DGAT1: variants seen among roughly 807,000 people sequenced by gnomAD.
The protein encoded by DGAT1 is diacylglycerol O-acyltransferase 1.
A neutral mutation model predicts 72.6 loss-of-function variants in DGAT1; 60 were observed. The ratio of observed to expected loss-of-function variants is 0.83; its 90% CI spans 0.67 to 1.02. The LOEUF (loss-of-function observed/expected upper bound fraction) is 1.02. Ranked by LOEUF, DGAT1 falls within the 50% of genes least tolerant of loss-of-function variation. The pLI, the probability that DGAT1 is intolerant of heterozygous loss-of-function variation, is 0.00. For missense variants in DGAT1, 592 were observed against 670.0 expected, an observed-to-expected ratio of 0.88 and a Z score of 1.29; for synonymous variants, 290 against 267.5, an observed-to-expected ratio of 1.08 and a Z score of -0.82.
At chr8:144,323,245 A>G (rs572604073) in intron 1 of DGAT1, among the ~76,000 whole-genome samples, 2 of 152,292 alleles carry the variant, frequency 1.3e-5, no homozygotes, top group South Asian at 2.1e-4. Flanking sequence ...AGATGAAAAC[A>G]GGAGTCGGGA....
chr8:144,317,536 G>C lies in DGAT1; in HGVS notation c.981+8C>G. 1 of 1,613,772 alleles carries C rather than the reference G, an allele frequency of 6.2e-7. No individual in the cohort carries two copies. The highest frequency in any genetic ancestry group is 1.1e-5 in the South Asian group (1 of 91,086). ...TGTCCTGTGCATGCGCCACCTGTCC[G>C]CACTCACCGCCAGCTTCAGGAGGCG... On this transcript the variant is annotated splice_region_variant and intron_variant, in intron 12 of 16. Coordinates refer to ENST00000528718, the MANE Select transcript of DGAT1 (RefSeq NM_012079.6).
chr8:144,315,273 C>G lies in DGAT1; in HGVS notation c.*1281G>C, dbSNP rs1388095358. On this transcript the variant is annotated 3_prime_UTR_variant, in exon 17 of 17. Transcript: ENST00000528718. ...ACCCATCCCCCCACCAGGAGCTCACCCACTACTGCCATCCTCAGCAGGGCC... is the reference window on the plus strand; with the variant it reads ...ACCCATCCCCCCACCAGGAGCTCACGCACTACTGCCATCCTCAGCAGGGCC... 1 of 985,408 alleles carries G rather than the reference C, an allele frequency of 1.0e-6. No homozygotes were observed. The allele number at this position is 985,408 out of a possible 1,614,324, so 61.0% of individuals were successfully genotyped here.
chr8:144,321,190 C>G, intron 2 of DGAT1, 131 bp downstream of exon 2: 1 of 853,676 alleles, frequency 1.2e-6, no homozygotes, highest in South Asian at 1.4e-5. Context: ...GCAGCCTGCT[C>G]CACACACCCC....
At chr8:144,320,179 A>G (rs1817407206) in intron 2 of DGAT1, among the ~76,000 whole-genome samples, 1 of 152,238 alleles carries the variant, frequency 6.6e-6, no homozygotes, top group East Asian at 1.9e-4. Flanking sequence ...AGAGCGGGAT[A>G]CATGCCTGGG....
intron 1 of DGAT1, among the ~76,000 whole-genome samples, 187 bp from the exon 2 acceptor site, chr8:144,321,595 G>A (rs139270576): frequency 9.8e-4 from 150 of 152,322 alleles, no homozygotes; most frequent in African/African-American, 2.8e-3. Flanking sequence ...AAAGCTCTCC[G>A]GACCCCCAGA....
chr8:144,326,031 C>T (rs1263376977), intron 1 of DGAT1, among the ~76,000 whole-genome samples: 3 of 152,168 alleles, frequency 2.0e-5, no homozygotes, highest in Non-Finnish European at 4.4e-5. Context: ...TTCCTACCCG[C>T]AAGGCACCGC....
chr8:144,324,580 G>A (rs974298589), intron 1 of DGAT1, among the ~76,000 whole-genome samples: 2 of 152,106 alleles, frequency 1.3e-5, no homozygotes, highest in African/African-American at 4.8e-5. Context: ...CTCTTCCCAA[G>A]GAGACCCGAC....
chr8:144,315,004 G>A lies in DGAT1; in HGVS notation c.*1550C>T. The A allele has an allele frequency of 1.0e-6, 1 of 985,770 alleles. No individual in the cohort carries two copies. Among genetic ancestry groups the A allele is most frequent in the Non-Finnish European group, 1.2e-6 (1 of 830,208 alleles). 61.1% of individuals were successfully genotyped at this position (985,770 alleles called of 1,614,324 possible). A position where few individuals can be genotyped will look rare whatever the true frequency, so the allele number is the denominator to read the frequency against. Reference sequence around the variant, plus strand: ...AGGTGTTCGCACTCGGACAGGTGATGCGGGGCGGGCACACTGTCTTTCTGC... The same window carrying A: ...AGGTGTTCGCACTCGGACAGGTGATACGGGGCGGGCACACTGTCTTTCTGC... On this transcript the variant is annotated 3_prime_UTR_variant, in exon 17 of 17. Coordinates refer to ENST00000528718, the MANE Select transcript of DGAT1 (RefSeq NM_012079.6).
At chr8:144,321,528 C>T in intron 1 of DGAT1, 120 bp from the exon 2 acceptor site, 2 of 890,416 alleles carry the variant, frequency 2.2e-6, no homozygotes, top group Non-Finnish European at 3.6e-6. Context: ...TCCTTATTTA[C>T]AACCAGGAGG....
rs1647692148 is a variant in DGAT1, at chr8:144,316,002, G to C, written c.*552C>G. 2.1e-6 allele frequency: 2 copies of C among 935,674 alleles called. No individual in the cohort carries two copies. Among genetic ancestry groups the C allele is most frequent in the African/African-American group, 3.6e-5 (2 of 56,160 alleles). The allele number at this position is 935,674 out of a possible 1,614,324, so 58.0% of individuals were successfully genotyped here. Reference sequence around the variant, plus strand: ...CAAGCTGAAGCTGAGCACGGTGGGTGCAAGTTGACCATCCTGCACTGAGGG... The same window carrying C: ...CAAGCTGAAGCTGAGCACGGTGGGTCCAAGTTGACCATCCTGCACTGAGGG... On this transcript the variant is annotated 3_prime_UTR_variant, in exon 17 of 17. Transcript: ENST00000528718.
At position 144,326,620 on chromosome 8, in the gene DGAT1, C is replaced by G; in HGVS notation, c.17G>C (p.Ser6Thr). Reference protein sequence around the residue: MGDRGSSRRRRTGSRP... With the variant: MGDRGTSRRRRTGSRP... ...CGACCCTGTCCTCCGGCGCCGGGAG[C>G]TGCCGCGGTCGCCCATGGCCTCAGC... The change falls in exon 1 of 17, where the codon AGC becomes ACC. Residue 6 changes from serine to threonine, a missense_variant. Ser to Thr is a moderately conservative substitution (Grantham distance 58, BLOSUM62 1). Coordinates refer to ENST00000528718, the MANE Select transcript of DGAT1 (RefSeq NM_012079.6). 1 of 1,201,382 alleles carries G rather than the reference C, an allele frequency of 8.3e-7. No homozygotes were observed. The highest frequency in any genetic ancestry group is 1.0e-6 in the Non-Finnish European group (1 of 968,402). The allele number at this position is 1,201,382 out of a possible 1,614,324, so 74.4% of individuals were successfully genotyped here. A position where few individuals can be genotyped will look rare whatever the true frequency, so the allele number is the denominator to read the frequency against.
At position 144,316,319 on chromosome 8, in the gene DGAT1, C is replaced by G. The variant is rs1326837873; in HGVS notation, c.*235G>C. 3.5e-6 allele frequency: 2 copies of G among 579,642 alleles called. No homozygotes were observed. Among genetic ancestry groups the G allele is most frequent in the Non-Finnish European group, 6.0e-6 (2 of 335,568 alleles). The allele number at this position is 579,642 out of a possible 1,614,324, so 35.9% of individuals were successfully genotyped here. Reference sequence around the variant, plus strand: ...CTGGACAGCACTTTATTGACACCCTCGGACCCGGGGCAGGGTCAGCAAGAC... The same window carrying G: ...CTGGACAGCACTTTATTGACACCCTGGGACCCGGGGCAGGGTCAGCAAGAC... On this transcript the variant is annotated 3_prime_UTR_variant, in exon 17 of 17. Coordinates refer to ENST00000528718, the MANE Select transcript of DGAT1 (RefSeq NM_012079.6).
In DGAT1 at chr8:144,316,319, C is replaced by T. The variant is rs1326837873; in HGVS notation, c.*235G>A. 4 of 579,524 alleles carry T rather than the reference C, an allele frequency of 6.9e-6. No individual in the cohort carries two copies. Among genetic ancestry groups the T allele is most frequent in the African/African-American group, 3.7e-5 (2 of 53,520 alleles). 35.9% of individuals were successfully genotyped at this position (579,524 alleles called of 1,614,324 possible). A position where few individuals can be genotyped will look rare whatever the true frequency, so the allele number is the denominator to read the frequency against. ...CTGGACAGCACTTTATTGACACCCT[C>T]GGACCCGGGGCAGGGTCAGCAAGAC... is the stretch of plus-strand genomic sequence containing the variant. On this transcript the variant is annotated 3_prime_UTR_variant, in exon 17 of 17. Transcript: ENST00000528718.
intron 10 of DGAT1, 25 bp downstream of exon 10, chr8:144,317,759 C>T: frequency 1.9e-6 from 3 of 1,613,384 alleles, no homozygotes; most frequent in Non-Finnish European, 2.5e-6. Flanking sequence ...CCCAGCTACA[C>T]CCAACCCTGC....
At chr8:144,321,241 G>A (rs1210636228) in intron 2 of DGAT1, 80 bp downstream of exon 2, 43 of 1,372,462 alleles carry the variant, frequency 3.1e-5, no homozygotes, top group African/African-American at 7.1e-5. Flanking sequence ...GGGTGACAGA[G>A]CCTGTTCTCA....
Position 144,316,864 on chromosome 8 carries a change from T to A in DGAT1, c.1300A>T (p.Met434Leu), listed in dbSNP as rs1427058220. The A allele has an allele frequency of 4.3e-6, 7 of 1,610,680 alleles. No individual in the cohort carries two copies. Among genetic ancestry groups the A allele is most frequent in the Non-Finnish European group, 5.9e-6 (7 of 1,179,160 alleles). ...RMFRLWAFTGMMAQIPLAWFV... is the reference protein window; with the variant it reads ...RMFRLWAFTGLMAQIPLAWFV... Reference sequence around the variant, plus strand: ...TGGGGGTCACTCACCTGAGCCATCATGCCCGTGAACGCCCAGAGGCGGAAC... The same window carrying A: ...TGGGGGTCACTCACCTGAGCCATCAAGCCCGTGAACGCCCAGAGGCGGAAC... Residue 434 changes from methionine (M) to leucine (L), a missense_variant, in exon 16 of 17, where the codon ATG (methionine) becomes TTG (leucine). Physicochemically the swap from Met to Leu is conservative, Grantham distance 15 (BLOSUM62 2). Coordinates refer to ENST00000528718, the MANE Select transcript of DGAT1 (RefSeq NM_012079.6).
chr8:144,319,184 A>C, intron 2 of DGAT1, 116 bp from the exon 3 acceptor site: 1 of 1,231,954 alleles, frequency 8.1e-7, no homozygotes, highest in Admixed American at 2.0e-5. Flanking sequence ...CGGCAGCCTC[A>C]GGCTTGCAGA....
Position 144,315,349 on chromosome 8 carries a change from G to A in DGAT1, c.*1205C>T, listed in dbSNP as rs765332258. 19 of 985,360 alleles carry A rather than the reference G, an allele frequency of 1.9e-5. No individual in the cohort carries two copies. Among genetic ancestry groups the A allele is most frequent in the Non-Finnish European group, 2.2e-5 (18 of 829,978 alleles). 61.0% of individuals were successfully genotyped at this position (985,360 alleles called of 1,614,324 possible). On this transcript the variant is annotated 3_prime_UTR_variant, in exon 17 of 17. Coordinates refer to ENST00000528718, the MANE Select transcript of DGAT1 (RefSeq NM_012079.6). ...CCACCAGCCCCCACTGGGGTAGAGG[G>A]AGGATACCACCAAGGGAGCCCACCC...
At position 144,317,774 on chromosome 8, in the gene DGAT1, C is replaced by T. The variant is rs1554847390; in HGVS notation, c.894+10G>A. On this transcript the variant is annotated intron_variant, in intron 10 of 16. Transcript: ENST00000528718. ...CCCAGCTACACCCAACCCTGCCCTACCCCACTTACCTGCTGGATCAGCCCC... is the reference window on the plus strand; with the variant it reads ...CCCAGCTACACCCAACCCTGCCCTATCCCACTTACCTGCTGGATCAGCCCC... 2 of 1,613,334 alleles carry T rather than the reference C, an allele frequency of 1.2e-6. No homozygotes were observed. Among genetic ancestry groups the T allele is most frequent in the Admixed American group, 1.7e-5 (1 of 59,952 alleles).
Sources: allele counts gnomAD v4.1 joint callset (sites outside exome capture counted in the v4.1 genomes callset), GRCh38; gene constraint gnomAD v4.1.1; transcripts MANE v1.5; gene names NCBI Gene and HGNC (gene_info 2026-07-23, HGNC 2026-07-21).